CNTNAP2: variants seen among roughly 807,000 people sequenced by gnomAD.
CNTNAP2 encodes the protein contactin-associated protein-like 2.
In CNTNAP2, 98 loss-of-function variants were observed where a neutral mutation model predicts 155.2. That is an observed-to-expected ratio of 0.63 (90% confidence interval 0.54 to 0.75). CNTNAP2 has a LOEUF of 0.75. CNTNAP2 is among the 30% of genes least tolerant of loss of function. The pLI, the probability that CNTNAP2 is intolerant of heterozygous loss-of-function variation, is 0.00. For synonymous variants in CNTNAP2, 651 were observed against 631.2 expected, an observed-to-expected ratio of 1.03 and a Z score of -0.47; for missense variants, 1,727 against 1,688.1, an observed-to-expected ratio of 1.02 and a Z score of -0.40.
intron 14 of CNTNAP2, among the ~76,000 whole-genome samples, chr7:147,973,227 A>G (rs540702917): frequency 4.2e-4 from 63 of 149,836 alleles, no homozygotes; most frequent in African/African-American, 1.5e-3. Context: ...TGGTTAAACC[A>G]CTTTACTGCC....
rs1164821696 is a variant in CNTNAP2, at chr7:146,467,164, G to C, written c.98-307107G>C. ...TGAACTCTATCATATTTGAAAATTA[G>C]CGTGTTAATTTTAATCAGTTTTCAA... is the stretch of plus-strand genomic sequence containing the variant. On this transcript the variant is annotated intron_variant, in intron 1 of 23. Transcript: ENST00000361727. 5.9e-5 allele frequency among the ~76,000 whole-genome samples: 9 copies of C among 152,084 alleles called. No individual in the cohort carries two copies. The East Asian group carries it at 1.4e-3, about 23-fold the overall frequency.
chr7:148,088,581 C>A (rs1161358146), intron 15 of CNTNAP2, among the ~76,000 whole-genome samples: 1 of 151,816 alleles, frequency 6.6e-6, no homozygotes, highest in Non-Finnish European at 1.5e-5. Flanking sequence ...AGAATAAATT[C>A]TTAGTCTCAT....
At position 147,552,582 on chromosome 7, in the gene CNTNAP2, A is replaced by G. The variant is rs570692511; in HGVS notation, c.1778-9556A>G. Among the ~76,000 whole-genome samples the G allele has an allele frequency of 3.6e-3, 537 of 148,472 alleles. 2 individuals are homozygous for G. Among genetic ancestry groups the G allele is most frequent in the South Asian group, 0.013 (61 of 4,764 alleles). On this transcript the variant is annotated intron_variant, in intron 11 of 23. Transcript: ENST00000361727. ...ATTTTACTTTCCTCAACACACACAC[A>G]CACACACACACACACACACACACAC...
At chr7:147,013,940 A>C (rs1198578721) in intron 3 of CNTNAP2, among the ~76,000 whole-genome samples, 1 of 152,166 alleles carries the variant, frequency 6.6e-6, no homozygotes, top group Non-Finnish European at 1.5e-5. Flanking sequence ...AGTTGTGGAC[A>C]AGTTAATGAA....
intron 2 of CNTNAP2, among the ~76,000 whole-genome samples, chr7:146,811,021 T>C (rs1253687324): frequency 6.6e-6 from 1 of 152,056 alleles, no homozygotes; most frequent in Non-Finnish European, 1.5e-5. Context: ...AAATGAACTG[T>C]TTAGTTCACT....
intron 1 of CNTNAP2, among the ~76,000 whole-genome samples, chr7:146,753,053 G>C (rs796798956): frequency 2.4e-4 from 37 of 152,196 alleles, no homozygotes; most frequent in African/African-American, 8.4e-4. Flanking sequence ...AGTTGTGCAG[G>C]ATTTTCTGAC....
rs527347403 is a variant in CNTNAP2, at chr7:146,918,397, A to G, written c.402+78493A>G. ...GCTTGGTAGTAGTGAATTCTTTCAA[A>G]ATTTGTTTGTCTGAAAAAGATTATC... On this transcript the variant is annotated intron_variant, in intron 3 of 23. Transcript: ENST00000361727. 1.1e-4 allele frequency among the ~76,000 whole-genome samples: 17 copies of G among 152,042 alleles called. No individual in the cohort carries two copies. The East Asian group carries it at 3.1e-3, about 28-fold the overall frequency.
intron 1 of CNTNAP2, among the ~76,000 whole-genome samples, chr7:146,503,864 G>T (rs1434926260): frequency 6.6e-6 from 1 of 152,088 alleles, no homozygotes; most frequent in African/African-American, 2.4e-5. Context: ...GGGGTCTGAG[G>T]GGACAGGTGG....
At position 146,132,742 on chromosome 7, in the gene CNTNAP2, T is replaced by G. The variant is rs1797735244; in HGVS notation, c.97+15769T>G. 2.6e-5 allele frequency among the ~76,000 whole-genome samples: 4 copies of G among 151,794 alleles called. No individual in the cohort carries two copies. The South Asian group carries it at 8.4e-4, about 32-fold the overall frequency. On this transcript the variant is annotated intron_variant, in intron 1 of 23. Transcript: ENST00000361727. ...CCATGTCCCTACAAAGGACATGAAC[T>G]CATCATTTTTTATGGCTGCATAGTA...
At chr7:146,471,051 A>G (rs141910015) in intron 1 of CNTNAP2, among the ~76,000 whole-genome samples, 138 of 152,338 alleles carry the variant, frequency 9.1e-4, no homozygotes, top group Middle Eastern at 3.4e-3. Flanking sequence ...TAAAAAATAC[A>G]ATATTCACAG....
intron 1 of CNTNAP2, among the ~76,000 whole-genome samples, chr7:146,495,165 C>A (rs183031711): frequency 6.6e-6 from 1 of 152,206 alleles, no homozygotes; most frequent in Non-Finnish European, 1.5e-5. Context: ...GTCAGCTCCT[C>A]TGGGACCCTA....
intron 1 of CNTNAP2, among the ~76,000 whole-genome samples, chr7:146,533,124 A>C (rs1797795508): frequency 6.7e-6 from 1 of 149,248 alleles, no homozygotes; most frequent in South Asian, 2.1e-4. Flanking sequence ...AAAAAAAAAA[A>C]AAAAAAAAAA....
At chr7:146,605,653 GTAT>G (rs879918820) in intron 1 of CNTNAP2, among the ~76,000 whole-genome samples, 4 of 152,112 alleles carry the variant, frequency 2.6e-5, no homozygotes, top group Non-Finnish European at 4.4e-5. Context: ...ATTTCTGTTA[GTAT>G]TATTATTTTA....
chr7:146,834,641 A>G (rs976908980), intron 2 of CNTNAP2, among the ~76,000 whole-genome samples: 2 of 152,168 alleles, frequency 1.3e-5, no homozygotes, highest in African/African-American at 4.8e-5. Flanking sequence ...TACTTCAACA[A>G]TACACTAGTT....
chr7:146,352,716 A>C (rs1794932965), intron 1 of CNTNAP2, among the ~76,000 whole-genome samples: 1 of 139,636 alleles, frequency 7.2e-6, no homozygotes, highest in South Asian at 2.2e-4. Flanking sequence ...AAATAGATAT[A>C]GTCTTCTCTT....
intron 15 of CNTNAP2, among the ~76,000 whole-genome samples, chr7:147,982,216 A>G (rs1414003398): frequency 6.6e-6 from 1 of 152,198 alleles, no homozygotes; most frequent in Non-Finnish European, 1.5e-5. Context: ...TTTCAGCCAT[A>G]TGATGTAAAA....
intron 8 of CNTNAP2, among the ~76,000 whole-genome samples, chr7:147,218,065 A>G (rs950856333): frequency 1.3e-5 from 2 of 151,726 alleles, no homozygotes; most frequent in African/African-American, 2.4e-5. Context: ...TTATTGATTC[A>G]ATTTATCTTT....
At chr7:146,915,559 G>T (rs1271453066) in intron 3 of CNTNAP2, among the ~76,000 whole-genome samples, 1 of 150,902 alleles carries the variant, frequency 6.6e-6, no homozygotes, top group Non-Finnish European at 1.5e-5. Context: ...AAGTTTTTTT[G>T]TTCGTTTGTT....
chr7:146,713,924 A>G, intron 1 of CNTNAP2, among the ~76,000 whole-genome samples: 1 of 152,162 alleles, frequency 6.6e-6, no homozygotes, highest in East Asian at 1.9e-4. Context: ...AAATAAAATG[A>G]ACTAGCATAT....
Sources: gnomAD v4.1 joint callset for allele counts (sites outside exome capture counted in the v4.1 genomes callset) on GRCh38, gnomAD v4.1.1 for gene constraint, MANE v1.5 for transcripts, NCBI Gene and HGNC (gene_info 2026-07-23, HGNC 2026-07-21) for gene names.